ZSCAN31: variants seen among roughly 807,000 people sequenced by gnomAD.
ZSCAN31 encodes zinc finger and SCAN domain-containing protein 31.
Under a neutral mutation model 22.5 loss-of-function variants are expected in ZSCAN31, and 14 were observed. That is an observed-to-expected ratio of 0.62 (90% CI 0.41 to 0.97). The LOEUF is 0.97. ZSCAN31 is among the 50% of genes least tolerant of loss of function. The probability of loss-of-function intolerance (pLI) is 0.00; values close to 1 mark genes in which losing one functional copy is unlikely to be tolerated. For synonymous variants in ZSCAN31, 168 were observed against 169.8 expected, an observed-to-expected ratio of 0.99 and a Z score of 0.08; for missense variants, 424 against 483.4, an observed-to-expected ratio of 0.88 and a Z score of 1.15.
chr6:28,355,621 T>A (rs1765372656), upstream of ZSCAN31: 1 of 152,212 alleles, frequency 6.6e-6, no homozygotes, highest in South Asian at 2.1e-4. Context: ...AGGAAGGTGG[T>A]TTCAGCCGCA....
intron 1 of ZSCAN31, chr6:28,335,823 A>C (rs59598126): frequency 0.1 from 15,131 of 152,022 alleles, 1,112 homozygotes; most frequent in East Asian, 0.31. Context: ...TTTCGCTCTA[A>C]CCTCACCTTT....
At chr6:28,342,983 G>A (rs1254203873) in intron 2 of ZSCAN31, among the ~76,000 whole-genome samples, 1 of 152,164 alleles carries the variant, frequency 6.6e-6, no homozygotes, top group Non-Finnish European at 1.5e-5. Context: ...TTTTTAGGAT[G>A]AACCTTTTAC....
intron 2 of ZSCAN31, among the ~76,000 whole-genome samples, chr6:28,328,133 G>A (rs990090124): frequency 1.3e-5 from 2 of 152,226 alleles, no homozygotes; most frequent in Non-Finnish European, 2.9e-5. Flanking sequence ...CAAGGCAAGT[G>A]GAGGCAGGGT....
chr6:28,337,310 C>T (rs953553238), upstream of ZSCAN31, among the ~76,000 whole-genome samples: 1 of 152,126 alleles, frequency 6.6e-6, no homozygotes, highest in Admixed American at 6.6e-5. Flanking sequence ...GGCACCAGCT[C>T]TTACTTTTTT....
Position 28,329,517 on chromosome 6 carries a change from G to A in ZSCAN31, c.167C>T (p.Ala56Val). The change falls in exon 2 of 4, where the codon GCT becomes GTT. Residue 56 changes from alanine (A) to valine (V), a missense_variant. Coordinates refer to ENST00000344279, the MANE Select transcript of ZSCAN31 (RefSeq NM_030899.5). ...CYQETPGPRE[A>V]LSRLRELCHQ... ...ACAGAGTTCTCGGAGCCGGCTCAGA[G>A]CTTCTCGGGGACCAGGAGTCTCTTG... 2 of 1,614,230 alleles carry A rather than the reference G, an allele frequency of 1.2e-6. No homozygotes were observed. Among genetic ancestry groups the A allele is most frequent in the Non-Finnish European group, 1.7e-6 (2 of 1,180,050 alleles).
chr6:28,338,979 A>C (rs997983538), upstream of ZSCAN31, among the ~76,000 whole-genome samples: 1 of 152,216 alleles, frequency 6.6e-6, no homozygotes, highest in Non-Finnish European at 1.5e-5. Context: ...TTGATGACAC[A>C]TTAACTAGTT....
At position 28,351,005 on chromosome 6, in the gene ZSCAN31, G is replaced by C. The variant is rs984173315; in HGVS notation, c.-371+2857C>G. On this transcript the variant is annotated intron_variant, in intron 2 of 7. Transcript: ENST00000396838. This position sits in a 1 kb window ranked among gnomAD's most constrained non-coding sequence, Gnocchi z 4.6. Reference sequence around the variant, plus strand: ...TAGTGCTGGAGATCCACCAGTTTTCGAGCTTCCAGGAACGCCCTAGCCTGA... The same window carrying C: ...TAGTGCTGGAGATCCACCAGTTTTCCAGCTTCCAGGAACGCCCTAGCCTGA... Among the ~76,000 whole-genome samples, 2 of 152,112 alleles carry C rather than the reference G, an allele frequency of 1.3e-5. No homozygotes were observed. The highest frequency in any genetic ancestry group is 2.9e-5 in the Non-Finnish European group (2 of 68,012).
Position 28,326,301 on chromosome 6 carries a change from CTGAA to C in ZSCAN31, c.1082_1085del (p.Ile361ArgfsTer75). ...GGAGATGCTGGAAAAGCCCTGCATT[CTGAA>C]TGAAGGCTTTGCCACACTCACGACA... On this transcript the variant is annotated frameshift_variant, in exon 4 of 4. Transcript: ENST00000344279. LOFTEE classifies it low-confidence loss of function (END_TRUNC). 2 of 1,614,230 alleles carry C rather than the reference CTGAA, an allele frequency of 1.2e-6. No individual in the cohort carries two copies.
Position 28,326,761 on chromosome 6 carries a change from T to A in ZSCAN31, c.626A>T (p.Asp209Val). ...EHLGDSKLQRDVSLDSKYRET... is the reference protein window; with the variant it reads ...EHLGDSKLQRVVSLDSKYRET... ...TCTGTACTTAGAATCCAAAGATACA[T>A]CTCTTTGGAGTTTGCTATCCCCCAA... The change falls in exon 4 of 4, where the codon GAT (aspartate) becomes GTT (valine). Residue 209 changes from aspartate to valine, a missense_variant. Transcript: ENST00000344279. 1 of 1,613,964 alleles carries A rather than the reference T, an allele frequency of 6.2e-7. No individual in the cohort carries two copies. The highest frequency in any genetic ancestry group is 2.2e-5 in the East Asian group (1 of 44,892).
chr6:28,339,400 G>A (rs1432084863), upstream of ZSCAN31, among the ~76,000 whole-genome samples: 3 of 152,116 alleles, frequency 2.0e-5, no homozygotes, highest in Non-Finnish European at 4.4e-5. Flanking sequence ...AGGTTCAAGC[G>A]ATTCTCATAC....
At chr6:28,346,646 G>A (rs1000327745) in intron 2 of ZSCAN31, among the ~76,000 whole-genome samples, 2 of 151,926 alleles carry the variant, frequency 1.3e-5, no homozygotes, top group Admixed American at 6.6e-5. Context: ...TGTGAGGCAC[G>A]GCACTCAGCC....
Position 28,326,451 on chromosome 6 carries a change from T to C in ZSCAN31, c.936A>G (p.Arg312=). ...KAFSASNGLT[R]HRRIHTGEKP... ...TTTCCCCTGTGTGGATTCTTCTGTG[T>C]CGAGTGAGGCCATTGCTGGCACTGA... The change falls in exon 4 of 4, where the codon CGA becomes CGG. Residue 312 remains arginine, a synonymous_variant. Transcript: ENST00000344279. The C allele has an allele frequency of 6.2e-7, 1 of 1,614,078 alleles. No homozygotes were observed. The highest frequency in any genetic ancestry group is 8.5e-7 in the Non-Finnish European group (1 of 1,179,992).
At position 28,325,972 on chromosome 6, in the gene ZSCAN31, A is replaced by C; in HGVS notation, c.*194T>G. ...AGACACCAACACCTGGTTTGTAGAC[A>C]AGTGGTTCAATGCAATACAAAATAA... On this transcript the variant is annotated 3_prime_UTR_variant, in exon 4 of 4. Transcript: ENST00000344279. 1 of 545,618 alleles carries C rather than the reference A, an allele frequency of 1.8e-6. No individual in the cohort carries two copies. The highest frequency in any genetic ancestry group is 3.2e-6 in the Non-Finnish European group (1 of 310,950). The allele number at this position is 545,618 out of a possible 1,614,324, so 33.8% of individuals were successfully genotyped here.
exon 1 of ZSCAN31, chr6:28,354,164 T>C: frequency 5.7e-6 from 2 of 353,630 alleles, no homozygotes; most frequent in Non-Finnish European, 1.1e-5. Context: ...AGTTCTCTCT[T>C]ACAGGGTCAG....
chr6:28,326,588 A>G lies in ZSCAN31; in HGVS notation c.799T>C (p.Tyr267His). The G allele has an allele frequency of 1.2e-6, 2 of 1,614,124 alleles. No homozygotes were observed. The highest frequency in any genetic ancestry group is 1.7e-5 in the Admixed American group (1 of 60,024). Residue 267 changes from tyrosine (Y) to histidine (H), a missense_variant, in exon 4 of 4, where the codon TAT becomes CAT. Physicochemically the swap from Tyr to His is moderately conservative, Grantham distance 83. Coordinates refer to ENST00000344279, the MANE Select transcript of ZSCAN31 (RefSeq NM_030899.5). ...GCCTTCCCACATTCTTCACATTCAT[A>G]TGGCTTCTCCCCAGTGTGGATTCTC... Reference protein sequence around the residue: ...HQRIHTGEKPYECEECGKAFS... With the variant: ...HQRIHTGEKPHECEECGKAFS...
chr6:28,355,266 A>T (rs1474018929), upstream of ZSCAN31: 1 of 152,178 alleles, frequency 6.6e-6, no homozygotes, highest in Non-Finnish European at 1.5e-5. Flanking sequence ...CCCACTTTAC[A>T]AAAGTGGATG....
At position 28,351,810 on chromosome 6, in the gene ZSCAN31, T is replaced by G. The variant is rs1024169199; in HGVS notation, c.-371+2052A>C. ...CTTTCATTTTATAGCAAATTGCAGA[T>G]GGAAACATTTTAGTTCACTCACAAG... On this transcript the variant is annotated intron_variant, in intron 2 of 7. Coordinates refer to the ZSCAN31 transcript ENST00000396838. The surrounding 1 kb of genome is among the most constrained non-coding windows in gnomAD (Gnocchi z 4.6). 1.3e-5 allele frequency among the ~76,000 whole-genome samples: 2 copies of G among 152,110 alleles called. No individual in the cohort carries two copies. Among genetic ancestry groups the G allele is most frequent in the Non-Finnish European group, 2.9e-5 (2 of 68,044 alleles).
chr6:28,325,710 A>C lies in ZSCAN31; in HGVS notation c.*456T>G, dbSNP rs1232142718. 6.5e-6 allele frequency: 1 copy of C among 153,594 alleles called. No homozygotes were observed. Among genetic ancestry groups the C allele is most frequent in the East Asian group, 1.9e-4 (1 of 5,206 alleles). 9.5% of individuals were successfully genotyped at this position (153,594 alleles called of 1,614,324 possible). A position where few individuals can be genotyped will look rare whatever the true frequency, so the allele number is the denominator to read the frequency against. On this transcript the variant is annotated 3_prime_UTR_variant, in exon 4 of 4. Coordinates refer to ENST00000344279, the MANE Select transcript of ZSCAN31 (RefSeq NM_030899.5). ...TGTTTAAAATGTCACTCTTACAGAA[A>C]AAGATGCACCTCTGAATATCCTTTG...
At chr6:28,344,581 A>G (rs537941785) in intron 2 of ZSCAN31, among the ~76,000 whole-genome samples, 11 of 152,196 alleles carry the variant, frequency 7.2e-5, no homozygotes, top group Admixed American at 3.9e-4. Context: ...CAAAGGAGGA[A>G]AAATACTGAG....
Sources: gnomAD v4.1 joint callset for allele counts (sites outside exome capture counted in the v4.1 genomes callset) on GRCh38, gnomAD v4.1.1 for gene constraint, Gnocchi (gnomAD v3.1) non-coding constraint, MANE v1.5 for transcripts, NCBI Gene and HGNC (gene_info 2026-07-23, HGNC 2026-07-21) for gene names.